The following B4GALT4 variants were observed in gnomAD, a reference collection of about 807,000 sequenced individuals.
B4GALT4 encodes beta-1,4-galactosyltransferase 4.
Under a neutral mutation model 37.3 loss-of-function variants are expected in B4GALT4, and 27 were observed. The ratio of observed to expected loss-of-function variants is 0.72; its 90% CI spans 0.53 to 1.00. B4GALT4 has a LOEUF of 1.00. Ranked by LOEUF, B4GALT4 falls within the 50% of genes least tolerant of loss-of-function variation. The pLI, the probability that B4GALT4 is intolerant of heterozygous loss-of-function variation, is 0.00. For synonymous variants in B4GALT4, 148 were observed against 154.1 expected, an observed-to-expected ratio of 0.96 and a Z score of 0.29; for missense variants, 372 against 413.1, an observed-to-expected ratio of 0.90 and a Z score of 0.86.
rs370981864 is a variant in B4GALT4 at position 119,224,099 on chromosome 3, A to G, written c.633T>C (p.His211=). Residue 211 remains histidine (H), a synonymous_variant, in exon 5 of 8, where the codon CAT becomes CAC. Transcript: ENST00000393765. ...NDFNLYKCEE[H]PKHLVVGRNS... is the part of the protein sequence containing the mutation. ...TCCTGCCAACCACCAGATGCTTGGG[A>G]TGCTCCTCACACTTGTAAAGGTTAA... The G allele has an allele frequency of 2.2e-5, 36 of 1,613,834 alleles. No homozygotes were observed. The African/African-American group carries it at 4.3e-4, about 19-fold the overall frequency.
chr3:119,217,342 T>C (rs947079379), intron 6 of B4GALT4, among the ~76,000 whole-genome samples: 8 of 152,220 alleles, frequency 5.3e-5, no homozygotes, highest in African/African-American at 1.9e-4. Context: ...TGGGCTGGGC[T>C]GTGAAGAGCT....
In B4GALT4 at chr3:119,230,060, G is replaced by T. The variant is rs1184427718; in HGVS notation, c.40C>A (p.Arg14=). The T allele has an allele frequency of 1.2e-6, 2 of 1,614,034 alleles. No homozygotes were observed. The highest frequency in any genetic ancestry group is 2.7e-5 in the African/African-American group (2 of 74,916). Residue 14 remains arginine (R), a synonymous_variant, in exon 3 of 8, where the codon CGA becomes AGA. Transcript: ENST00000393765. The part of the protein sequence containing the change: ...NLTFHLSYKF[R]LLLLLTLCLT... ...CACAAAGTCAACAGCAACAGTAATC[G>T]GAATTTGTAGGAAAGGTGGAAAGTC...
intron 5 of B4GALT4, among the ~76,000 whole-genome samples, chr3:119,222,185 G>T (rs892121616): frequency 2.0e-5 from 3 of 152,222 alleles, no homozygotes; most frequent in African/African-American, 7.2e-5. Context: ...TCTATGGTAA[G>T]TGTCTAAGGT....
At chr3:119,239,445 G>T (rs1335557251) in intron 1 of B4GALT4, among the ~76,000 whole-genome samples, 3 of 152,126 alleles carry the variant, frequency 2.0e-5, no homozygotes, top group African/African-American at 4.8e-5. Flanking sequence ...AACCATCACT[G>T]ATTTGCTTTG....
At chr3:119,223,071 A>G (rs1345955126) in intron 5 of B4GALT4, among the ~76,000 whole-genome samples, 3 of 152,232 alleles carry the variant, frequency 2.0e-5, no homozygotes, top group Non-Finnish European at 4.4e-5. Context: ...CTCCAGCATT[A>G]TTTGATAGTT....
At chr3:119,217,842 CAAA>C (rs57522373) in intron 6 of B4GALT4, among the ~76,000 whole-genome samples, 219 of 87,774 alleles carry the variant, frequency 2.5e-3, no homozygotes, top group East Asian at 0.015. Flanking sequence ...GACTTTGTCT[CAAA>C]AAAAAAAAAA....
At chr3:119,224,004 G>T in intron 5 of B4GALT4, 54 bp downstream of exon 5, 2 of 1,508,402 alleles carry the variant, frequency 1.3e-6, no homozygotes, top group South Asian at 2.7e-5. Context: ...ACCCAGTCTT[G>T]ATCACAATAG....
chr3:119,224,985 A>AT (rs770621549), intron 4 of B4GALT4, among the ~76,000 whole-genome samples: 1 of 152,244 alleles, frequency 6.6e-6, no homozygotes, highest in Non-Finnish European at 1.5e-5. Context: ...TCTGTTATGA[A>AT]TTTACACTAA....
At chr3:119,233,617 A>T (rs757796728) in intron 2 of B4GALT4, among the ~76,000 whole-genome samples, 6 of 152,212 alleles carry the variant, frequency 3.9e-5, no homozygotes, top group Non-Finnish European at 8.8e-5. Context: ...ATTTAAAAAA[A>T]CAAAAACAAA....
intron 5 of B4GALT4, among the ~76,000 whole-genome samples, chr3:119,221,825 G>T (rs1489137467): frequency 6.6e-6 from 1 of 152,190 alleles, no homozygotes; most frequent in Non-Finnish European, 1.5e-5. Context: ...ATCATATTAA[G>T]AAAACCTGTC....
intron 2 of B4GALT4, among the ~76,000 whole-genome samples, chr3:119,234,499 T>G (rs552338730): frequency 9.8e-4 from 150 of 152,332 alleles, no homozygotes; most frequent in Non-Finnish European, 1.4e-3. Context: ...CAAGATAATG[T>G]TATCTCTGGG....
Position 119,227,031 on chromosome 3 carries a change from G to C in B4GALT4, c.264C>G (p.Ser88Arg). The stretch of plus-strand genomic sequence containing the variant: ...TGAGATCTGGTTTGAAAATGAGCTT[G>C]CTCTGGCCTCCTACAATGAACATAG... ...PSVSPYLRGQSKLIFKPDLTL... is the reference protein window; with the variant it reads ...PSVSPYLRGQRKLIFKPDLTL... Residue 88 changes from serine to arginine, a missense_variant, in exon 4 of 8, where the codon AGC becomes AGG. Ser to Arg is a moderately radical substitution (Grantham distance 110). Transcript: ENST00000393765. The C allele has an allele frequency of 6.2e-7, 1 of 1,614,042 alleles. No homozygotes were observed. Among genetic ancestry groups the C allele is most frequent in the Non-Finnish European group, 8.5e-7 (1 of 1,179,970 alleles).
chr3:119,228,094 G>C (rs576411119), intron 3 of B4GALT4, among the ~76,000 whole-genome samples: 15 of 152,338 alleles, frequency 9.8e-5, no homozygotes, highest in African/African-American at 3.4e-4. Flanking sequence ...AACTACTAGA[G>C]CTGATGCTGG....
intron 3 of B4GALT4, among the ~76,000 whole-genome samples, chr3:119,228,366 TGCCCCTCCTTGGGTCACTAATG>T (rs1232697824): frequency 6.6e-6 from 1 of 152,174 alleles, no homozygotes; most frequent in Non-Finnish European, 1.5e-5. Context: ...TCTCAAGATC[TGCCCCTCCTTGGGTCACTAATG>T]GCCCATTTTA....
intron 1 of B4GALT4, among the ~76,000 whole-genome samples, chr3:119,239,548 T>G (rs1250590122): frequency 6.6e-6 from 1 of 152,164 alleles, no homozygotes; most frequent in East Asian, 1.9e-4. Flanking sequence ...TACTATTAGC[T>G]CGGCTTAAAG....
chr3:119,219,012 A>T (rs1027754328), intron 5 of B4GALT4, among the ~76,000 whole-genome samples: 3 of 151,928 alleles, frequency 2.0e-5, no homozygotes, highest in African/African-American at 7.3e-5. Flanking sequence ...GTTAATGGTG[A>T]TGTTTGTGTG....
In B4GALT4 at chr3:119,238,709, G is replaced by T. The variant is rs183205499; in HGVS notation, c.-363-1639C>A. On this transcript the variant is annotated intron_variant, in intron 1 of 7. Coordinates refer to ENST00000393765, the MANE Select transcript of B4GALT4 (RefSeq NM_003778.4). ...ATATAGAAAAAAACAGCGTATATAGGGTTTGGCACTATCCACGGTTTCAGG... is the reference window on the plus strand; with the variant it reads ...ATATAGAAAAAAACAGCGTATATAGTGTTTGGCACTATCCACGGTTTCAGG... Among the ~76,000 whole-genome samples, 15 of 152,100 alleles carry T rather than the reference G, an allele frequency of 9.9e-5. No homozygotes were observed. The East Asian group carries it at 2.9e-3, about 29-fold the overall frequency.
chr3:119,215,284 G>A (rs1181370010), intron 7 of B4GALT4: 2 of 152,210 alleles, frequency 1.3e-5, no homozygotes, highest in Admixed American at 1.3e-4. Flanking sequence ...TGAGTCTTCT[G>A]GCCTTCATCT....
At chr3:119,220,655 G>A (rs887819891) in intron 5 of B4GALT4, among the ~76,000 whole-genome samples, 1 of 152,094 alleles carries the variant, frequency 6.6e-6, no homozygotes, top group Admixed American at 6.5e-5. Context: ...ACCTGGAGAG[G>A]GGTGAGCTGG....
Sources: gnomAD v4.1 joint callset for allele counts (sites outside exome capture counted in the v4.1 genomes callset) on GRCh38, gnomAD v4.1.1 for gene constraint, MANE v1.5 for transcripts, NCBI Gene and HGNC (gene_info 2026-07-23, HGNC 2026-07-21) for gene names.